The following ADGRB3 variants were observed in gnomAD, a reference collection of about 807,000 sequenced individuals.
ADGRB3 encodes the protein brain-specific angiogenesis inhibitor 3.
A neutral mutation model predicts 193.4 loss-of-function variants in ADGRB3; 37 were observed. The ratio of observed to expected loss-of-function variants is 0.19; its 90% confidence interval spans 0.15 to 0.25. ADGRB3 has a LOEUF of 0.25. Ranked by LOEUF, ADGRB3 falls within the 10% of genes least tolerant of loss-of-function variation. The pLI is 1.00. For synonymous variants in ADGRB3, 690 were observed against 644.2 expected, an observed-to-expected ratio of 1.07 and a Z score of -1.08; for missense variants, 1,637 against 1,852.9, an observed-to-expected ratio of 0.88 and a Z score of 2.14.
At chr6:68,893,965 GA>G (rs1766151317) in intron 3 of ADGRB3, among the ~76,000 whole-genome samples, 1 of 151,820 alleles carries the variant, frequency 6.6e-6, no homozygotes, top group African/African-American at 2.4e-5. Context: ...AATGAGCATA[GA>G]TGATATATGT....
chr6:68,839,431 A>G (rs986538307), intron 3 of ADGRB3, among the ~76,000 whole-genome samples: 5 of 152,302 alleles, frequency 3.3e-5, no homozygotes, highest in Non-Finnish European at 7.4e-5. Context: ...TACCATTTCT[A>G]TGTGGACAAT....
At chr6:68,995,556 T>G (rs773146063) in intron 11 of ADGRB3, among the ~76,000 whole-genome samples, 6 of 152,226 alleles carry the variant, frequency 3.9e-5, no homozygotes, top group Non-Finnish European at 7.3e-5. Context: ...CTGGTTTGAC[T>G]TAAATAGAGC....
At chr6:69,332,858 A>G (rs1050005425) in intron 23 of ADGRB3, 65 bp from the exon 24 acceptor site, 3 of 1,584,828 alleles carry the variant, frequency 1.9e-6, no homozygotes, top group Non-Finnish European at 2.6e-6. Context: ...TAGGATTTTC[A>G]GGAGAAACAG....
chr6:69,105,269 C>G (rs1328224990), intron 17 of ADGRB3, among the ~76,000 whole-genome samples: 1 of 152,184 alleles, frequency 6.6e-6, no homozygotes, highest in African/African-American at 2.4e-5. Context: ...CCCATTTCAG[C>G]CTCTAAAATT....
chr6:69,189,861 G>A (rs779486), intron 17 of ADGRB3, among the ~76,000 whole-genome samples: 76,483 of 151,910 alleles, frequency 0.5, 21,051 homozygotes, highest in African/African-American at 0.72. Context: ...CCAGCATAAC[G>A]TTGTGGTCAA....
At chr6:69,124,169 G>T (rs1247682803) in intron 17 of ADGRB3, among the ~76,000 whole-genome samples, 1 of 151,258 alleles carries the variant, frequency 6.6e-6, no homozygotes, top group East Asian at 1.9e-4. Context: ...ACAAAGATTT[G>T]TTGTCCAAAT....
chr6:68,754,758 A>G (rs1766267563), intron 3 of ADGRB3, among the ~76,000 whole-genome samples: 1 of 151,804 alleles, frequency 6.6e-6, no homozygotes. Context: ...AAACAGCATT[A>G]GAAAGGTTGA....
At chr6:68,794,741 A>G (rs978269651) in intron 3 of ADGRB3, among the ~76,000 whole-genome samples, 29 of 152,118 alleles carry the variant, frequency 1.9e-4, no homozygotes, top group Non-Finnish European at 3.1e-4. Flanking sequence ...TTTGAAATTA[A>G]TCTTTTCTGA....
chr6:69,287,585 T>A lies in ADGRB3; in HGVS notation c.2815-37287T>A, dbSNP rs566282063. ...ACAAGAACCCAGAACCACTGCAATGTCCCCATTTTTTCACACTTGAGGAAA... is the reference window on the plus strand; with the variant it reads ...ACAAGAACCCAGAACCACTGCAATGACCCCATTTTTTCACACTTGAGGAAA... On this transcript the variant is annotated intron_variant, in intron 20 of 31. Transcript: ENST00000370598. Among the ~76,000 whole-genome samples, 89 of 152,268 alleles carry A rather than the reference T, an allele frequency of 5.8e-4. 1 individual carries two copies. The South Asian group carries it at 0.013, about 23-fold the overall frequency.
intron 8 of ADGRB3, among the ~76,000 whole-genome samples, chr6:68,961,195 T>C (rs73465384): frequency 0.01 from 1,553 of 152,250 alleles, 18 homozygotes; most frequent in African/African-American, 0.033. Context: ...TAACTAGCTG[T>C]TGTGCACAAA....
chr6:68,874,754 C>CT (rs1343623045), intron 3 of ADGRB3, among the ~76,000 whole-genome samples: 1 of 152,044 alleles, frequency 6.6e-6, no homozygotes, highest in Non-Finnish European at 1.5e-5. Flanking sequence ...ACACTGATGA[C>CT]TGTGTATCAA....
intron 17 of ADGRB3, among the ~76,000 whole-genome samples, chr6:69,170,138 T>A (rs1300295108): frequency 1.3e-5 from 2 of 152,162 alleles, no homozygotes; most frequent in Non-Finnish European, 2.9e-5. Flanking sequence ...CATGAACACT[T>A]CACTAGCATT....
At chr6:68,885,649 T>C (rs933813582) in intron 3 of ADGRB3, among the ~76,000 whole-genome samples, 4 of 152,170 alleles carry the variant, frequency 2.6e-5, no homozygotes, top group African/African-American at 7.2e-5. Flanking sequence ...CAATGGTGGC[T>C]ACCAGAAGCC....
At chr6:68,884,493 A>G (rs1298544982) in intron 3 of ADGRB3, among the ~76,000 whole-genome samples, 1 of 152,182 alleles carries the variant, frequency 6.6e-6, no homozygotes, top group African/African-American at 2.4e-5. Context: ...TAGTTGAAAA[A>G]TAAAGCATAA....
chr6:68,804,635 C>G (rs577835859), intron 3 of ADGRB3, among the ~76,000 whole-genome samples: 1 of 151,950 alleles, frequency 6.6e-6, no homozygotes, highest in African/African-American at 2.4e-5. Context: ...TAATATTTCT[C>G]TATCATGTGA....
chr6:69,209,382 C>A (rs546931173), intron 17 of ADGRB3, among the ~76,000 whole-genome samples: 5 of 152,318 alleles, frequency 3.3e-5, no homozygotes, highest in African/African-American at 1.2e-4. Flanking sequence ...TCTCAACAGA[C>A]CCCACACCAA....
chr6:68,853,547 GA>G (rs1157340771), intron 3 of ADGRB3, among the ~76,000 whole-genome samples: 2 of 151,984 alleles, frequency 1.3e-5, no homozygotes, highest in Admixed American at 6.6e-5. Context: ...AAAACAATTA[GA>G]ATTTTAACTA....
chr6:69,344,137 A>G (rs1032206061), intron 26 of ADGRB3, among the ~76,000 whole-genome samples: 1 of 152,158 alleles, frequency 6.6e-6, no homozygotes, highest in Admixed American at 6.6e-5. Context: ...AACAAGCTAC[A>G]ATAAAACTCT....
intron 3 of ADGRB3, among the ~76,000 whole-genome samples, chr6:68,736,196 A>C (rs62416537): frequency 7.0e-6 from 1 of 142,566 alleles, no homozygotes; most frequent in African/African-American, 2.7e-5. Context: ...AAAAAAAAAA[A>C]TTTATAGAGA....
Sources: allele counts gnomAD v4.1 joint callset (sites outside exome capture counted in the v4.1 genomes callset), GRCh38; gene constraint gnomAD v4.1.1; transcripts MANE v1.5; gene names NCBI Gene and HGNC (gene_info 2026-07-23, HGNC 2026-07-21).